The following C1orf21 variants were observed in gnomAD, a reference collection of about 807,000 sequenced individuals.
C1orf21 encodes the protein uncharacterized protein C1orf21.
Under a neutral mutation model 18.7 loss-of-function variants are expected in C1orf21, and 3 were observed. The ratio of observed to expected loss-of-function variants is 0.16; its 90% CI spans 0.07 to 0.42. The LOEUF (loss-of-function observed/expected upper bound fraction) is 0.42. C1orf21 is among the 10% of genes least tolerant of loss of function. The pLI, the probability that C1orf21 is intolerant of heterozygous loss-of-function variation, is 0.99. For synonymous variants in C1orf21, 41 were observed against 46.4 expected (o/e 0.88, Z 0.47); for missense variants, 104 against 143.6 (o/e 0.72, Z 1.41).
At chr1:184,561,565 T>A (rs1658966090) in intron 3 of C1orf21, among the ~76,000 whole-genome samples, 2 of 152,182 alleles carry the variant, frequency 1.3e-5, no homozygotes, top group Admixed American at 6.5e-5. Context: ...GAAAAGCAAC[T>A]TTTGATTCCA....
At chr1:184,555,816 G>A (rs1212188652) in intron 3 of C1orf21, among the ~76,000 whole-genome samples, 2 of 152,174 alleles carry the variant, frequency 1.3e-5, no homozygotes, top group African/African-American at 2.4e-5. Context: ...GCTTCTGGCA[G>A]GAAAAATAAT....
At chr1:184,411,887 CT>C (rs1371025928) in intron 1 of C1orf21, 1 of 152,150 alleles carries the variant, frequency 6.6e-6, no homozygotes, top group Non-Finnish European at 1.5e-5. Flanking sequence ...GTTGGACTAC[CT>C]AAAATTATGC....
chr1:184,598,699 T>C (rs763674872), intron 5 of C1orf21, among the ~76,000 whole-genome samples: 2 of 152,144 alleles, frequency 1.3e-5, no homozygotes, highest in Non-Finnish European at 2.9e-5. Context: ...GTGAAGTCAG[T>C]TGGAAAGCAA....
chr1:184,405,434 C>A (rs960967899), intron 1 of C1orf21, among the ~76,000 whole-genome samples: 14 of 152,036 alleles, frequency 9.2e-5, no homozygotes, highest in African/African-American at 3.1e-4. Flanking sequence ...AGTCCCAAGC[C>A]ATCTACCTGC....
intron 3 of C1orf21, among the ~76,000 whole-genome samples, chr1:184,515,128 A>T (rs758362599): frequency 6.6e-6 from 1 of 152,236 alleles, no homozygotes; most frequent in Non-Finnish European, 1.5e-5. Context: ...ACCTCCTGGC[A>T]TAGAAGATGC....
chr1:184,565,602 A>G (rs2101987715), intron 3 of C1orf21, among the ~76,000 whole-genome samples: 1 of 152,354 alleles, frequency 6.6e-6, no homozygotes, highest in East Asian at 1.9e-4. Flanking sequence ...CTGGAAAATT[A>G]TTTGGGGTGT....
At chr1:184,554,907 G>A (rs1658857674) in intron 3 of C1orf21, among the ~76,000 whole-genome samples, 1 of 152,190 alleles carries the variant, frequency 6.6e-6, no homozygotes, top group East Asian at 1.9e-4. Flanking sequence ...ATGCACATGT[G>A]TGTAACAAGA....
chr1:184,389,625 G>T (rs1354079242), intron 1 of C1orf21, among the ~76,000 whole-genome samples: 2 of 152,192 alleles, frequency 1.3e-5, no homozygotes, highest in East Asian at 3.8e-4. Context: ...GAGGAAGGTG[G>T]TTTGCTCTAT....
intron 1 of C1orf21, among the ~76,000 whole-genome samples, chr1:184,393,088 C>G (rs563702154): frequency 1.7e-4 from 26 of 152,164 alleles, no homozygotes; most frequent in African/African-American, 6.0e-4. Flanking sequence ...CTCAGCCTCC[C>G]CAAGACCACC....
chr1:184,577,942 G>GTTTTTTTTTTTTTTT (rs1558006928), intron 3 of C1orf21, among the ~76,000 whole-genome samples: 1 of 109,668 alleles, frequency 9.1e-6, no homozygotes, highest in African/African-American at 3.9e-5. Flanking sequence ...TTTGTTTTTT[G>GTTTTTTTTTTTTTTT]TTTTGTTTTT....
chr1:184,440,387 C>T (rs1384832683), intron 1 of C1orf21, among the ~76,000 whole-genome samples: 2 of 152,076 alleles, frequency 1.3e-5, no homozygotes, highest in Non-Finnish European at 2.9e-5. Flanking sequence ...GGACTACAGG[C>T]GCACGCCCTA....
Position 184,448,737 on chromosome 1 carries a change from A to G in C1orf21, c.-124-28649A>G, listed in dbSNP as rs6424953. Among the ~76,000 whole-genome samples the G allele has an allele frequency of 1.8e-3, 277 of 152,176 alleles. 1 individual carries two copies. The highest frequency in any genetic ancestry group is 4.6e-3 in the Admixed American group (70 of 15,286). On this transcript the variant is annotated intron_variant, in intron 1 of 5. Coordinates refer to ENST00000235307, the MANE Select transcript of C1orf21 (RefSeq NM_030806.4). ...ACCACGGGGCTTCTTTTTCTCTTGGATCTCATTTCCTGAAGAAAGGAAAGG... is the reference window on the plus strand; with the variant it reads ...ACCACGGGGCTTCTTTTTCTCTTGGGTCTCATTTCCTGAAGAAAGGAAAGG...
chr1:184,452,426 G>A (rs1194675094), intron 1 of C1orf21, among the ~76,000 whole-genome samples: 1 of 152,128 alleles, frequency 6.6e-6, no homozygotes, highest in African/African-American at 2.4e-5. Flanking sequence ...GTTGGAGGTG[G>A]GTAACTGGAT....
At chr1:184,528,699 C>T (rs1658414384) in intron 3 of C1orf21, among the ~76,000 whole-genome samples, 1 of 152,186 alleles carries the variant, frequency 6.6e-6, no homozygotes, top group African/African-American at 2.4e-5. Context: ...CCCGCCTCAG[C>T]CTCCCAAATT....
At chr1:184,478,627 G>A (rs747937544) in intron 2 of C1orf21, among the ~76,000 whole-genome samples, 10 of 152,170 alleles carry the variant, frequency 6.6e-5, no homozygotes, top group African/African-American at 9.7e-5. Context: ...ACCGAGTTCA[G>A]TTTGCTCATT....
At chr1:184,475,647 G>T (rs574792259) in intron 1 of C1orf21, among the ~76,000 whole-genome samples, 4 of 151,854 alleles carry the variant, frequency 2.6e-5, no homozygotes, top group South Asian at 4.2e-4. Context: ...TCTCCATAAG[G>T]CCCCTGAGCT....
chr1:184,472,941 A>G (rs1368093486), intron 1 of C1orf21, among the ~76,000 whole-genome samples: 1 of 152,240 alleles, frequency 6.6e-6, no homozygotes, highest in Non-Finnish European at 1.5e-5. Context: ...AAATATTTCA[A>G]CTGGGCTTAC....
At chr1:184,494,895 G>T (rs1462442437) in intron 2 of C1orf21, among the ~76,000 whole-genome samples, 1 of 151,236 alleles carries the variant, frequency 6.6e-6, no homozygotes, top group Non-Finnish European at 1.5e-5. Context: ...ATGCTAGCTG[G>T]GATAAAAAGA....
chr1:184,530,600 C>CT lies in C1orf21; in HGVS notation c.189+22936dup, dbSNP rs1184327589. On this transcript the variant is annotated intron_variant, in intron 3 of 5. Coordinates refer to ENST00000235307, the MANE Select transcript of C1orf21 (RefSeq NM_030806.4). The stretch of plus-strand genomic sequence containing the variant: ...CTTAAAAGTCTCTTTTTTCTTTTTT[C>CT]TTTTTTTTTTTTTTTTTTGAGCTGG... Among the ~76,000 whole-genome samples the CT allele has an allele frequency of 7.7e-3, 854 of 111,452 alleles. 6 individuals are homozygous for CT. Among genetic ancestry groups the CT allele is most frequent in the South Asian group, 0.012 (39 of 3,340 alleles). The allele number at this position is 111,452 out of a possible 152,430, so 73.1% of individuals were successfully genotyped here. A position where few individuals can be genotyped will look rare whatever the true frequency, so the allele number is the denominator to read the frequency against.
Sources: allele counts gnomAD v4.1 joint callset (sites outside exome capture counted in the v4.1 genomes callset), GRCh38; gene constraint gnomAD v4.1.1; transcripts MANE v1.5; gene names NCBI Gene and HGNC (gene_info 2026-07-23, HGNC 2026-07-21).